The following SSU72 variants were observed in gnomAD, a reference collection of about 807,000 sequenced individuals.
SSU72 encodes the protein RNA polymerase II subunit A C-terminal domain phosphatase SSU72.
SSU72 carries 12 observed loss-of-function variants against 22.7 expected under a neutral mutation model. That is an observed-to-expected ratio of 0.53 (90% CI 0.34 to 0.86). The LOEUF (loss-of-function observed/expected upper bound fraction) is 0.86, where lower values mean the gene tolerates loss of function less well. Ranked by LOEUF, SSU72 falls within the 40% of genes least tolerant of loss-of-function variation. The pLI is 0.02. For synonymous variants in SSU72, 116 were observed against 98.3 expected, an observed-to-expected ratio of 1.18 and a Z score of -1.06; for missense variants, 151 against 249.8, an observed-to-expected ratio of 0.60 and a Z score of 2.67.
Position 1,544,883 on chromosome 1 carries a change from A to T in SSU72, c.344T>A (p.Val115Glu). 6.2e-7 allele frequency: 1 copy of T among 1,613,468 alleles called. No individual in the cohort carries two copies. The highest frequency in any genetic ancestry group is 8.5e-7 in the Non-Finnish European group (1 of 1,179,864). ...CTCACCTTCCACCACCTGGTCATAC[A>T]CTCTCTCTTCGCAAGTGAGGATCAG... The part of the protein sequence containing the change: ...FDLILTCEER[V>E]YDQVVEDLNS... Residue 115 changes from valine (V) to glutamate (E), a missense_variant, in exon 3 of 5, where the codon GTG becomes GAG. Coordinates refer to ENST00000291386, the MANE Select transcript of SSU72 (RefSeq NM_014188.3).
chr1:1,554,087 G>A lies in SSU72; in HGVS notation c.225-9085C>T, dbSNP rs1001203387. Among the ~76,000 whole-genome samples the A allele has an allele frequency of 1.1e-4, 16 of 152,370 alleles. No individual in the cohort carries two copies. The highest frequency in any genetic ancestry group is 3.6e-4 in the African/African-American group (15 of 41,592). On this transcript the variant is annotated intron_variant, in intron 2 of 4. Transcript: ENST00000291386. The surrounding 1 kb of genome is among the most constrained non-coding windows in gnomAD (Gnocchi z 4.1). Reference sequence around the variant, plus strand: ...CAGGGCCTCTAAAGAGAAACGAGGAGGAAGTGCAGCTCCAGGGAGTGGAGC... The same window carrying A: ...CAGGGCCTCTAAAGAGAAACGAGGAAGAAGTGCAGCTCCAGGGAGTGGAGC...
chr1:1,564,856 T>G lies in SSU72; in HGVS notation c.141A>C (p.Pro47=), dbSNP rs1642639510. ...CATAAACATTGGGCTTGTCGGGAGC[T>G]GGTCCTGGAAGCTTCACGTGAGTCC... ...GTGTHVKLPG[P]APDKPNVYDF... Residue 47 remains proline (P), a synonymous_variant, in exon 2 of 5, where the codon CCA becomes CCC. Transcript: ENST00000291386. 6.2e-7 allele frequency: 1 copy of G among 1,614,134 alleles called. No homozygotes were observed. Among genetic ancestry groups the G allele is most frequent in the Non-Finnish European group, 8.5e-7 (1 of 1,180,024 alleles).
intron 1 of SSU72, among the ~76,000 whole-genome samples, chr1:1,569,832 G>C (rs574777927): frequency 2.0e-5 from 3 of 150,680 alleles, no homozygotes; most frequent in Non-Finnish European, 2.9e-5. Context: ...GAGGTTCACT[G>C]ATCAGCTAGC....
chr1:1,567,333 G>A (rs1257917719), intron 1 of SSU72, among the ~76,000 whole-genome samples: 3 of 152,116 alleles, frequency 2.0e-5, no homozygotes, highest in Non-Finnish European at 2.9e-5. Flanking sequence ...TAGATATTCC[G>A]AGCTACACAA....
intron 2 of SSU72, among the ~76,000 whole-genome samples, chr1:1,560,035 T>A (rs1306628003): frequency 6.6e-6 from 1 of 152,122 alleles, no homozygotes; most frequent in Non-Finnish European, 1.5e-5. Context: ...TTTTGTACTT[T>A]TAGTAGAGAC....
intron 2 of SSU72, among the ~76,000 whole-genome samples, chr1:1,556,972 C>A (rs1642528803): frequency 6.6e-6 from 1 of 152,186 alleles, no homozygotes; most frequent in Non-Finnish European, 1.5e-5. Context: ...TATCTCTGGC[C>A]TTACCTGAAA....
chr1:1,552,423 C>G (rs1642465194), intron 2 of SSU72, among the ~76,000 whole-genome samples: 1 of 152,210 alleles, frequency 6.6e-6, no homozygotes, highest in African/African-American at 2.4e-5. Flanking sequence ...TGCCTGGGAC[C>G]CCCTTCGATT....
chr1:1,547,478 G>T (rs528752619), intron 2 of SSU72, among the ~76,000 whole-genome samples: 11 of 152,234 alleles, frequency 7.2e-5, no homozygotes, highest in African/African-American at 2.4e-4. Flanking sequence ...ATCTCCTGGC[G>T]AGGAGATGCG....
chr1:1,541,998 C>G lies in SSU72; in HGVS notation c.*68G>C. 8 of 1,470,202 alleles carry G rather than the reference C, an allele frequency of 5.4e-6. No individual in the cohort carries two copies. Among genetic ancestry groups the G allele is most frequent in the South Asian group, 3.6e-5 (3 of 82,194 alleles). 91.1% of individuals were successfully genotyped at this position (1,470,202 alleles called of 1,614,324 possible). On this transcript the variant is annotated 3_prime_UTR_variant, in exon 5 of 5. Coordinates refer to ENST00000291386, the MANE Select transcript of SSU72 (RefSeq NM_014188.3). Reference sequence around the variant, plus strand: ...CCAGCAGAACACCTGTAAGTAAAAACAAATGTCAGGAAGGAAAAAGTATGA... The same window carrying G: ...CCAGCAGAACACCTGTAAGTAAAAAGAAATGTCAGGAAGGAAAAAGTATGA...
intron 3 of SSU72, 96 bp from the exon 4 acceptor site, chr1:1,544,083 C>G: frequency 2.2e-6 from 2 of 904,244 alleles, no homozygotes; most frequent in Admixed American, 2.0e-5. Context: ...GCTGCAGGCC[C>G]AGCCCAGCCC....
chr1:1,550,105 G>T (rs1252515908), intron 2 of SSU72, among the ~76,000 whole-genome samples: 25 of 151,146 alleles, frequency 1.7e-4, no homozygotes, highest in Non-Finnish European at 2.5e-4. Context: ...CTTGAACCTG[G>T]GAGGGGAGAT....
intron 2 of SSU72, chr1:1,561,440 G>C (rs145365884): frequency 6.6e-6 from 1 of 152,132 alleles, no homozygotes; most frequent in Non-Finnish European, 1.5e-5. Flanking sequence ...TCTTTGGGCC[G>C]CATCTTGAAC....
At chr1:1,557,764 C>T (rs1380631017) in intron 2 of SSU72, among the ~76,000 whole-genome samples, 1 of 152,104 alleles carries the variant, frequency 6.6e-6, no homozygotes, top group Non-Finnish European at 1.5e-5. Context: ...CGCCATTGCA[C>T]TCCAGCAGGG....
chr1:1,563,623 G>T (rs1642622728), intron 2 of SSU72: 1 of 152,120 alleles, frequency 6.6e-6, no homozygotes, highest in Non-Finnish European at 1.5e-5. Context: ...AGGACGAGGA[G>T]GGTGGATCAC....
intron 2 of SSU72, among the ~76,000 whole-genome samples, chr1:1,560,001 A>G (rs1472906318): frequency 1.3e-5 from 2 of 152,142 alleles, no homozygotes; most frequent in African/African-American, 4.8e-5. Context: ...CTGGGATTAC[A>G]GGCATGTGCC....
At chr1:1,549,714 C>T (rs1642433978) in intron 2 of SSU72, among the ~76,000 whole-genome samples, 1 of 151,846 alleles carries the variant, frequency 6.6e-6, no homozygotes, top group African/African-American at 2.4e-5. Flanking sequence ...GTGGCTCACG[C>T]CTGTAATCCC....
rs574882665 is a variant in SSU72 at position 1,555,064 on chromosome 1, G to T, written c.224+9709C>A. On this transcript the variant is annotated intron_variant, in intron 2 of 4. Transcript: ENST00000291386. ...GCCCTGACAGACACACCCACGAGGG[G>T]GGCCAGCTATCACCTTATTGGCCAG... is the stretch of plus-strand genomic sequence containing the variant. 6.8e-4 allele frequency among the ~76,000 whole-genome samples: 104 copies of T among 152,274 alleles called. 1 individual carries two copies. Among genetic ancestry groups the T allele is most frequent in the Middle Eastern group, 3.4e-3 (1 of 294 alleles).
At position 1,554,631 on chromosome 1, in the gene SSU72, A is replaced by G. The variant is rs1642497946; in HGVS notation, c.225-9629T>C. On this transcript the variant is annotated intron_variant, in intron 2 of 4. Coordinates refer to ENST00000291386, the MANE Select transcript of SSU72 (RefSeq NM_014188.3). The surrounding 1 kb of genome is among the most constrained non-coding windows in gnomAD (Gnocchi z 4.1). ...CCCACAGGAGAACCGAGAGGCCAGG[A>G]CCACACTACCCTGCTATGAGTCACC... Among the ~76,000 whole-genome samples the G allele has an allele frequency of 6.6e-6, 1 of 152,090 alleles. No homozygotes were observed. Among genetic ancestry groups the G allele is most frequent in the African/African-American group, 2.4e-5 (1 of 41,410 alleles).
At chr1:1,557,405 T>A (rs1250331216) in intron 2 of SSU72, among the ~76,000 whole-genome samples, 4 of 151,806 alleles carry the variant, frequency 2.6e-5, no homozygotes, top group African/African-American at 9.7e-5. Flanking sequence ...AGAACAAGAC[T>A]CTGTCTCAAA....
Sources: allele counts gnomAD v4.1 joint callset (sites outside exome capture counted in the v4.1 genomes callset), GRCh38; gene constraint gnomAD v4.1.1; non-coding constraint Gnocchi (gnomAD v3.1); transcripts MANE v1.5; gene names NCBI Gene and HGNC (gene_info 2026-07-23, HGNC 2026-07-21).